GFRA1: variants seen among roughly 807,000 people sequenced by gnomAD.
GFRA1 encodes GDNF family receptor alpha-1.
Under a neutral mutation model 51.6 loss-of-function variants are expected in GFRA1, and 16 were observed. That is an observed-to-expected ratio of 0.31 (90% CI 0.21 to 0.47). The LOEUF (loss-of-function observed/expected upper bound fraction) is 0.47. Among genes scored for constraint, GFRA1 ranks in the 20% least tolerant of loss-of-function variants. The pLI, the probability that GFRA1 is intolerant of heterozygous loss-of-function variation, is 1.00. For missense variants in GFRA1, 530 were observed against 594.3 expected (o/e 0.89, Z 1.13); for synonymous variants, 270 against 241.3 (o/e 1.12, Z -1.10).
At chr10:116,205,880 T>A (rs1193528427) in intron 5 of GFRA1, among the ~76,000 whole-genome samples, 2 of 149,154 alleles carry the variant, frequency 1.3e-5, no homozygotes, top group Admixed American at 1.4e-4. Flanking sequence ...TGATACAACA[T>A]CTCAGAGAAA....
intron 5 of GFRA1, among the ~76,000 whole-genome samples, chr10:116,183,863 CA>C (rs1962461563): frequency 6.6e-6 from 1 of 152,184 alleles, no homozygotes; most frequent in Non-Finnish European, 1.5e-5. Context: ...TCATTATCCC[CA>C]GGGAAATGCT....
intron 9 of GFRA1, among the ~76,000 whole-genome samples, chr10:116,083,406 T>C (rs1955944013): frequency 6.6e-6 from 1 of 152,230 alleles, no homozygotes; most frequent in African/African-American, 2.4e-5. Flanking sequence ...TCTTCTCTGG[T>C]GGAAGATTAA....
intron 5 of GFRA1, among the ~76,000 whole-genome samples, chr10:116,164,765 A>C (rs1413058494): frequency 6.6e-6 from 1 of 152,080 alleles, no homozygotes; most frequent in Admixed American, 6.5e-5. Flanking sequence ...TTTAGCAGCA[A>C]TCCAGTGTTG....
intron 4 of GFRA1, among the ~76,000 whole-genome samples, chr10:116,241,588 G>GAAGT (rs1183811883): frequency 6.6e-6 from 1 of 152,200 alleles, no homozygotes; most frequent in African/African-American, 2.4e-5. Flanking sequence ...TGCACTGGCT[G>GAAGT]AAGTTCCACT....
chr10:116,205,147 A>G (rs1964630875), intron 5 of GFRA1, among the ~76,000 whole-genome samples: 1 of 152,164 alleles, frequency 6.6e-6, no homozygotes, highest in South Asian at 2.1e-4. Flanking sequence ...CATTGACTGA[A>G]CCACTGTCAT....
In GFRA1 at chr10:116,117,560, GATGGATGGA is replaced by G. The variant is rs1565587794; in HGVS notation, c.770+7652_770+7660del. ...GGGTGGGTGGGTGGGTGGGTGTGTGGATGGATGGATGGATGGATGGATGGATGGATGGAT... is the reference window on the plus strand; with the variant it reads ...GGGTGGGTGGGTGGGTGGGTGTGTGGTGGATGGATGGATGGATGGATGGAT... On this transcript the variant is annotated intron_variant, in intron 6 of 10. Coordinates refer to ENST00000355422, the MANE Select transcript of GFRA1 (RefSeq NM_005264.8). Among the ~76,000 whole-genome samples, 168 of 138,894 alleles carry G rather than the reference GATGGATGGA, an allele frequency of 1.2e-3. 3 individuals carry two copies. The highest frequency in any genetic ancestry group is 3.8e-3 in the African/African-American group (138 of 35,936). 91.1% of individuals were successfully genotyped at this position (138,894 alleles called of 152,430 possible).
At chr10:116,105,593 T>C (rs376392445) in intron 6 of GFRA1, among the ~76,000 whole-genome samples, 1 of 152,180 alleles carries the variant, frequency 6.6e-6, no homozygotes, top group Non-Finnish European at 1.5e-5. Flanking sequence ...GTAGCTGTGA[T>C]GTGGCAGAAT....
intron 4 of GFRA1, among the ~76,000 whole-genome samples, chr10:116,237,179 A>G (rs76153306): frequency 0.087 from 13,214 of 152,294 alleles, 628 homozygotes; most frequent in Non-Finnish European, 0.11. Flanking sequence ...TATTTACAAA[A>G]GGTAGCAAGC....
At chr10:116,136,988 G>A (rs1958352805) in intron 5 of GFRA1, among the ~76,000 whole-genome samples, 2 of 152,140 alleles carry the variant, frequency 1.3e-5, no homozygotes, top group African/African-American at 4.8e-5. Flanking sequence ...CTCCAAAGAT[G>A]GTCCAGGAAT....
At chr10:116,241,457 G>A (rs1474779288) in intron 4 of GFRA1, among the ~76,000 whole-genome samples, 1 of 152,324 alleles carries the variant, frequency 6.6e-6, no homozygotes. Flanking sequence ...CCTCTGAGCT[G>A]ACTGTCTCTG....
chr10:116,271,009 T>C lies in GFRA1; in HGVS notation c.147A>G (p.Leu49=), dbSNP rs1379005950. The change falls in exon 3 of 11, where the codon CTA becomes CTG. Residue 49 remains leucine, a synonymous_variant. Transcript: ENST00000355422. ...EQSCSTKYRT[L]RQCVAGKETN... ...TCTCCTTGCCCGCCACGCACTGCCT[T>C]AGCGTGCGGTACTTGGTGCTGCAGC... The C allele has an allele frequency of 1.1e-5, 17 of 1,614,082 alleles. No individual in the cohort carries two copies. The highest frequency in any genetic ancestry group is 6.7e-5 in the East Asian group (3 of 44,868).
intron 5 of GFRA1, among the ~76,000 whole-genome samples, chr10:116,159,199 C>A (rs1025974241): frequency 5.9e-5 from 9 of 152,148 alleles, no homozygotes; most frequent in Non-Finnish European, 1.2e-4. Context: ...CCCTAGTAGA[C>A]CACTTTAGTT....
chr10:116,270,721 G>C, intron 3 of GFRA1, 101 bp downstream of exon 3: 2 of 952,048 alleles, frequency 2.1e-6, no homozygotes, highest in Non-Finnish European at 3.3e-6. Context: ...TCTGCAGCTG[G>C]GGAGAAGTGA....
intron 5 of GFRA1, among the ~76,000 whole-genome samples, chr10:116,184,832 C>T (rs1218771178): frequency 2.0e-5 from 3 of 152,180 alleles, no homozygotes; most frequent in African/African-American, 7.2e-5. Flanking sequence ...TAGAGTCTCC[C>T]TGGTGGGACA....
intron 4 of GFRA1, among the ~76,000 whole-genome samples, chr10:116,261,187 T>C (rs893536144): frequency 6.6e-6 from 1 of 152,290 alleles, no homozygotes; most frequent in East Asian, 1.9e-4. Context: ...TGAACTGAGA[T>C]GGGGAAATGC....
At chr10:116,161,131 G>A (rs1361297176) in intron 5 of GFRA1, among the ~76,000 whole-genome samples, 1 of 152,160 alleles carries the variant, frequency 6.6e-6, no homozygotes, top group Non-Finnish European at 1.5e-5. Flanking sequence ...CCTGGTGCTG[G>A]GCTTCATCTT....
intron 5 of GFRA1, among the ~76,000 whole-genome samples, chr10:116,131,429 C>T (rs1476338178): frequency 1.3e-5 from 2 of 152,118 alleles, no homozygotes; most frequent in Admixed American, 6.5e-5. Context: ...AGAACTTGAA[C>T]ATATGTCCAC....
intron 8 of GFRA1, among the ~76,000 whole-genome samples, chr10:116,092,942 C>T (rs1235031679): frequency 6.6e-6 from 1 of 152,190 alleles, no homozygotes; most frequent in Non-Finnish European, 1.5e-5. Context: ...TGAGTCCTGG[C>T]ACCGTGCTTT....
intron 9 of GFRA1, among the ~76,000 whole-genome samples, chr10:116,069,898 A>C (rs546879494): frequency 6.6e-6 from 1 of 152,260 alleles, no homozygotes; most frequent in South Asian, 2.1e-4. Flanking sequence ...CTGATTATGG[A>C]ATTGGAGACT....
Sources: gnomAD v4.1 joint callset for allele counts (sites outside exome capture counted in the v4.1 genomes callset) on GRCh38, gnomAD v4.1.1 for gene constraint, MANE v1.5 for transcripts, NCBI Gene and HGNC (gene_info 2026-07-23, HGNC 2026-07-21) for gene names.